The following KAZN variants were observed in gnomAD, a reference collection of about 807,000 sequenced individuals.
KAZN encodes the protein kazrin.
A neutral mutation model predicts 87.4 loss-of-function variants in KAZN; 40 were observed. The observed-to-expected ratio is 0.46, with a 90% CI of 0.36 to 0.60. KAZN has a LOEUF of 0.60. Ranked by LOEUF, KAZN falls within the 20% of genes least tolerant of loss-of-function variation. The pLI, the probability that KAZN is intolerant of heterozygous loss-of-function variation, is 0.00. For missense variants in KAZN, 898 were observed against 1,073.9 expected (o/e 0.84, Z 2.29); for synonymous variants, 466 against 458.3 (o/e 1.02, Z -0.22).
At chr1:14,361,332 G>A (rs1659494134) in intron 2 of KAZN, among the ~76,000 whole-genome samples, 1 of 152,258 alleles carries the variant, frequency 6.6e-6, no homozygotes, top group Admixed American at 6.5e-5. Context: ...TGTGCTGGCA[G>A]TGAGAATTTC....
intron 1 of KAZN, among the ~76,000 whole-genome samples, chr1:14,906,586 G>A (rs1468135124): frequency 2.0e-5 from 3 of 151,862 alleles, no homozygotes; most frequent in Non-Finnish European, 2.9e-5. Context: ...AAAGGGGCAC[G>A]TTGATATTTT....
chr1:14,706,219 T>C (rs1195998138), intron 1 of KAZN, among the ~76,000 whole-genome samples: 1 of 152,140 alleles, frequency 6.6e-6, no homozygotes, highest in Admixed American at 6.5e-5. Flanking sequence ...AGGGCTCCCA[T>C]TGATTCTATA....
At chr1:15,086,874 C>T (rs1188105709) in intron 8 of KAZN, among the ~76,000 whole-genome samples, 3 of 152,212 alleles carry the variant, frequency 2.0e-5, no homozygotes, top group Admixed American at 6.5e-5. Context: ...GGTTCTAGAA[C>T]TTGAGAATAC....
intron 1 of KAZN, among the ~76,000 whole-genome samples, chr1:14,932,028 G>T (rs1191074341): frequency 6.6e-6 from 1 of 152,194 alleles, no homozygotes; most frequent in Admixed American, 6.5e-5. Flanking sequence ...AGGCTTTGGT[G>T]GTAGCTGTTT....
chr1:14,637,790 TATTTTATC>T (rs1680107069), intron 1 of KAZN, among the ~76,000 whole-genome samples: 1 of 152,154 alleles, frequency 6.6e-6, no homozygotes, highest in Non-Finnish European at 1.5e-5. Context: ...TGTGTGTGCA[TATTTTATC>T]ATTTTATCAG....
intron 1 of KAZN, among the ~76,000 whole-genome samples, chr1:14,670,588 A>C (rs1639860169): frequency 6.6e-6 from 1 of 152,160 alleles, no homozygotes; most frequent in Admixed American, 6.5e-5. Flanking sequence ...GATTCAGTAG[A>C]TCTGGGGAGG....
rs2148595201 is a variant in KAZN, at chr1:14,599,410, C to T, written c.226+187C>T. The stretch of plus-strand genomic sequence containing the variant: ...GGGAGTTGCAGGCTGCTGTCATTCA[C>T]GAAAACCCGAGCGCAGTGTGCACGG... On this transcript the variant is annotated intron_variant, in intron 1 of 14. Transcript: ENST00000376030. This position sits in a 1 kb window ranked among gnomAD's most constrained non-coding sequence, Gnocchi z 4.4. Among the ~76,000 whole-genome samples, 1 of 152,262 alleles carries T rather than the reference C, an allele frequency of 6.6e-6. No homozygotes were observed. Among genetic ancestry groups the T allele is most frequent in the African/African-American group, 2.4e-5 (1 of 41,572 alleles).
At chr1:14,388,445 A>C (rs1338834637) in intron 2 of KAZN, among the ~76,000 whole-genome samples, 1 of 152,230 alleles carries the variant, frequency 6.6e-6, no homozygotes, top group Non-Finnish European at 1.5e-5. Flanking sequence ...ACATTACTTG[A>C]CTTTAAAATA....
chr1:14,355,943 C>A (rs1658984980), intron 2 of KAZN, among the ~76,000 whole-genome samples: 1 of 152,132 alleles, frequency 6.6e-6, no homozygotes, highest in South Asian at 2.1e-4. Context: ...TGGGTATATA[C>A]CCAGTAATGG....
chr1:14,137,774 T>C (rs1181910022), intron 1 of KAZN, among the ~76,000 whole-genome samples: 3 of 143,294 alleles, frequency 2.1e-5, no homozygotes, highest in Non-Finnish European at 4.5e-5. Context: ...AATGGGGCGA[T>C]CTCAGCTCAC....
At chr1:14,168,255 A>C (rs559704064) in intron 1 of KAZN, among the ~76,000 whole-genome samples, 1 of 152,256 alleles carries the variant, frequency 6.6e-6, no homozygotes, top group East Asian at 1.9e-4. Flanking sequence ...GTTGGGTCAA[A>C]GTGGAGTTGG....
At chr1:13,961,021 G>T (rs369842605) in intron 1 of KAZN, among the ~76,000 whole-genome samples, 4 of 152,154 alleles carry the variant, frequency 2.6e-5, no homozygotes, top group African/African-American at 9.7e-5. Context: ...CACATTCTAG[G>T]TGCTGAGAAG....
chr1:14,327,745 G>T (rs1656543356), intron 2 of KAZN, among the ~76,000 whole-genome samples: 1 of 152,128 alleles, frequency 6.6e-6, no homozygotes, highest in Non-Finnish European at 1.5e-5. Flanking sequence ...AAGAGAATGG[G>T]CTATCATCAG....
intron 2 of KAZN, among the ~76,000 whole-genome samples, chr1:14,548,239 C>T (rs12755235): frequency 0.21 from 31,992 of 149,352 alleles, 3,569 homozygotes; most frequent in African/African-American, 0.24. Flanking sequence ...TGCTCTGTCC[C>T]CCAGACTGGA....
chr1:14,547,230 C>A (rs1309381008), intron 2 of KAZN, among the ~76,000 whole-genome samples: 2 of 152,166 alleles, frequency 1.3e-5, no homozygotes, highest in East Asian at 3.8e-4. Context: ...TACCTTTGGC[C>A]TATGTCCTGC....
At chr1:14,330,660 C>T (rs1480397870) in intron 2 of KAZN, among the ~76,000 whole-genome samples, 1 of 152,076 alleles carries the variant, frequency 6.6e-6, no homozygotes, top group Non-Finnish European at 1.5e-5. Context: ...GACTGTGTCT[C>T]TCTGCTTTGC....
chr1:14,859,925 A>G (rs1171561569), intron 1 of KAZN, among the ~76,000 whole-genome samples: 3 of 152,218 alleles, frequency 2.0e-5, no homozygotes, highest in African/African-American at 7.2e-5. Context: ...CTCCCCAGTC[A>G]TCTTTTTCCT....
intron 1 of KAZN, among the ~76,000 whole-genome samples, chr1:13,903,215 T>A (rs1412805406): frequency 6.6e-6 from 1 of 152,232 alleles, no homozygotes; most frequent in Admixed American, 6.5e-5. Context: ...CAGACCTTGA[T>A]GAAGAACCCA....
At chr1:14,924,623 G>C in intron 1 of KAZN, 1 of 967,842 alleles carries the variant, frequency 1.0e-6, no homozygotes, top group Non-Finnish European at 1.2e-6. Flanking sequence ...ACAGGCCCAG[G>C]AGCCGCCGGG....
Sources: gnomAD v4.1 joint callset for allele counts (sites outside exome capture counted in the v4.1 genomes callset) on GRCh38, gnomAD v4.1.1 for gene constraint, Gnocchi (gnomAD v3.1) non-coding constraint, MANE v1.5 for transcripts, NCBI Gene and HGNC (gene_info 2026-07-23, HGNC 2026-07-21) for gene names.